Variants in PELI2 observed in about 807,000 individuals in gnomAD.
PELI2 encodes the protein E3 ubiquitin-protein ligase pellino homolog 2.
PELI2 carries 23 observed loss-of-function variants against 42.3 expected under a neutral mutation model. That is an observed-to-expected ratio of 0.54 (90% CI 0.39 to 0.77). The LOEUF is 0.77. Ranked by LOEUF, PELI2 falls within the 30% of genes least tolerant of loss-of-function variation. PELI2 has a pLI of 0.00. For missense variants in PELI2, 463 were observed against 553.2 expected (o/e 0.84, Z 1.64); for synonymous variants, 245 against 212.2 (o/e 1.15, Z -1.34).
chr14:56,288,656 A>G lies in PELI2; in HGVS notation c.507+22A>G, dbSNP rs766387224. 1 of 1,563,176 alleles carries G rather than the reference A, an allele frequency of 6.4e-7. No homozygotes were observed. The highest frequency in any genetic ancestry group is 1.7e-5 in the Admixed American group (1 of 57,748). ...TGGAGTAAGTACTGTCAAGAAGTAC[A>G]CGATTTCTAGAAAAATGCTTGTGAT... On this transcript the variant is annotated intron_variant, in intron 4 of 5. Coordinates refer to ENST00000267460, the MANE Select transcript of PELI2 (RefSeq NM_021255.3). The surrounding 1 kb of genome is among the most constrained non-coding windows in gnomAD (Gnocchi z 4.6).
chr14:56,179,115 GA>G (rs573092692), intron 2 of PELI2, among the ~76,000 whole-genome samples: 1 of 152,020 alleles, frequency 6.6e-6, no homozygotes, highest in Non-Finnish European at 1.5e-5. Flanking sequence ...ATAAGTCGAG[GA>G]AAAAATCTGA....
intron 1 of PELI2, among the ~76,000 whole-genome samples, chr14:56,153,062 G>A (rs1226742206): frequency 6.6e-6 from 1 of 152,092 alleles, no homozygotes; most frequent in Non-Finnish European, 1.5e-5. Flanking sequence ...AGGATAGTGG[G>A]TTAAGTACAC....
chr14:56,276,400 T>C (rs1889293265), intron 2 of PELI2, among the ~76,000 whole-genome samples: 1 of 152,144 alleles, frequency 6.6e-6, no homozygotes, highest in Non-Finnish European at 1.5e-5. Flanking sequence ...GGCTTTAGTC[T>C]CATCTTTTCA....
intron 2 of PELI2, among the ~76,000 whole-genome samples, chr14:56,275,066 G>GTTCA (rs35868839): frequency 5.3e-5 from 8 of 150,946 alleles, no homozygotes; most frequent in South Asian, 4.2e-4. Flanking sequence ...CAGTTCATTC[G>GTTCA]TTCATTCATT....
At chr14:56,119,826 G>C in intron 1 of PELI2, 1 of 985,278 alleles carries the variant, frequency 1.0e-6, no homozygotes, top group Non-Finnish European at 1.2e-6. Flanking sequence ...CTTCTGCGTT[G>C]AAAGACCTGT....
chr14:56,171,890 C>G (rs913189519), intron 1 of PELI2, among the ~76,000 whole-genome samples: 8 of 152,204 alleles, frequency 5.3e-5, no homozygotes, highest in African/African-American at 1.9e-4. Context: ...GTGGTGTGCA[C>G]CTGTCGTCCC....
intron 2 of PELI2, among the ~76,000 whole-genome samples, chr14:56,191,491 A>G (rs1158743050): frequency 6.6e-6 from 1 of 152,226 alleles, no homozygotes; most frequent in Non-Finnish European, 1.5e-5. Context: ...GGCCACAAAG[A>G]CTGTAACTGC....
chr14:56,150,643 A>G (rs1264224318), intron 1 of PELI2, among the ~76,000 whole-genome samples: 3 of 152,226 alleles, frequency 2.0e-5, no homozygotes, highest in Non-Finnish European at 4.4e-5. Context: ...TCTATTTCCA[A>G]GATTCTAAAT....
intron 1 of PELI2, among the ~76,000 whole-genome samples, chr14:56,119,516 G>C (rs1051213819): frequency 6.6e-6 from 1 of 152,218 alleles, no homozygotes; most frequent in Non-Finnish European, 1.5e-5. Context: ...CGCCCGCCTC[G>C]GCTCCCTCTC....
At chr14:56,195,812 G>A (rs915929781) in intron 2 of PELI2, among the ~76,000 whole-genome samples, 1 of 152,168 alleles carries the variant, frequency 6.6e-6, no homozygotes, top group Admixed American at 6.5e-5. Context: ...AGCCTAATCT[G>A]CCCAGCTGGC....
chr14:56,150,816 C>A (rs1884321868), intron 1 of PELI2, among the ~76,000 whole-genome samples: 1 of 152,126 alleles, frequency 6.6e-6, no homozygotes. Context: ...GTGCTCCATC[C>A]ACTTGGGACA....
Position 56,118,720 on chromosome 14 carries a change from G to C in PELI2, c.60G>C (p.Gly20=), listed in dbSNP as rs762958171. 6.5e-7 allele frequency: 1 copy of C among 1,528,792 alleles called. No individual in the cohort carries two copies. Among genetic ancestry groups the C allele is most frequent in the East Asian group, 2.7e-5 (1 of 37,212 alleles). 94.7% of individuals were successfully genotyped at this position (1,528,792 alleles called of 1,614,324 possible). Residue 20 remains glycine, a synonymous_variant, in exon 1 of 6, where the codon GGG becomes GGC. Transcript: ENST00000267460. ...CCAATAAGGAGCCAGTGAAATACGG[G>C]GAGCTGGTGGTGCTCGGGTGAGTCC... ...CAPNKEPVKY[G]ELVVLGYNGA...
chr14:56,153,121 T>C (rs1477691256), intron 1 of PELI2, among the ~76,000 whole-genome samples: 1 of 152,324 alleles, frequency 6.6e-6, no homozygotes, highest in Admixed American at 6.5e-5. Flanking sequence ...TCATAACTCT[T>C]TGAATCTCAT....
intron 1 of PELI2, among the ~76,000 whole-genome samples, chr14:56,158,880 C>T (rs1002837969): frequency 2.0e-5 from 3 of 152,124 alleles, no homozygotes; most frequent in African/African-American, 7.2e-5. Context: ...AAAAGACATA[C>T]AATTTAATAT....
intron 2 of PELI2, among the ~76,000 whole-genome samples, chr14:56,186,371 C>T (rs908176045): frequency 6.6e-6 from 1 of 152,226 alleles, no homozygotes. Flanking sequence ...GCTGCCCTGT[C>T]AGCCCCTTGA....
At position 56,288,730 on chromosome 14, in the gene PELI2, T is replaced by A; in HGVS notation, c.507+96T>A. On this transcript the variant is annotated intron_variant, in intron 4 of 5. Transcript: ENST00000267460. The surrounding 1 kb of genome is among the most constrained non-coding windows in gnomAD (Gnocchi z 4.6). ...AGCAAAAAAAAATTGGCTTTGTATGTTGCCTCTAGTGAGATTTTGAGATTT... is the reference window on the plus strand; with the variant it reads ...AGCAAAAAAAAATTGGCTTTGTATGATGCCTCTAGTGAGATTTTGAGATTT... 1.1e-6 allele frequency: 1 copy of A among 879,548 alleles called. No individual in the cohort carries two copies. The highest frequency in any genetic ancestry group is 1.8e-6 in the Non-Finnish European group (1 of 554,544). The allele number at this position is 879,548 out of a possible 1,614,324, so 54.5% of individuals were successfully genotyped here.
chr14:56,214,852 C>T (rs1196428538), intron 2 of PELI2, among the ~76,000 whole-genome samples: 3 of 152,190 alleles, frequency 2.0e-5, no homozygotes, highest in Admixed American at 6.5e-5. Context: ...GATTCCACAG[C>T]CTCGGGAGAA....
At chr14:56,132,107 C>T (rs926847291) in intron 1 of PELI2, among the ~76,000 whole-genome samples, 2 of 152,150 alleles carry the variant, frequency 1.3e-5, no homozygotes, top group African/African-American at 2.4e-5. Flanking sequence ...TGCCACATGC[C>T]ATATGCTCCT....
chr14:56,160,396 C>T (rs1053858032), intron 1 of PELI2, among the ~76,000 whole-genome samples: 12 of 152,194 alleles, frequency 7.9e-5, no homozygotes, highest in Non-Finnish European at 5.9e-5. Flanking sequence ...CTTCCCTTTG[C>T]ACCAGGTCTT....
Sources: gnomAD v4.1 joint callset for allele counts (sites outside exome capture counted in the v4.1 genomes callset) on GRCh38, gnomAD v4.1.1 for gene constraint, Gnocchi (gnomAD v3.1) non-coding constraint, MANE v1.5 for transcripts, NCBI Gene and HGNC (gene_info 2026-07-23, HGNC 2026-07-21) for gene names.